Variants in ABCD3 observed in about 807,000 individuals in gnomAD.
ABCD3 encodes ATP binding cassette subfamily D member 3, also known as ATP-binding cassette sub-family D member 3.
A neutral mutation model predicts 105.5 loss-of-function variants in ABCD3; 41 were observed. That is an observed-to-expected ratio of 0.39 (90% CI 0.30 to 0.50). The LOEUF (loss-of-function observed/expected upper bound fraction) is 0.50. Ranked by LOEUF, ABCD3 falls within the 20% of genes least tolerant of loss-of-function variation. ABCD3 has a pLI of 0.84. For missense variants in ABCD3, 622 were observed against 806.3 expected, an observed-to-expected ratio of 0.77 and a Z score of 2.77; for synonymous variants, 258 against 269.0, an observed-to-expected ratio of 0.96 and a Z score of 0.40.
chr1:94,412,856 A>T, the ABCD3 span, among the ~76,000 whole-genome samples: 4 of 152,202 alleles, frequency 2.6e-5, no homozygotes, highest in Non-Finnish European at 4.4e-5. Context: ...ATCCTTTCAT[A>T]TGTTTAAGAG....
chr1:94,447,486 C>T (rs1660399274), intron 1 of ABCD3, among the ~76,000 whole-genome samples: 1 of 152,216 alleles, frequency 6.6e-6, no homozygotes. Flanking sequence ...ATTTACAATT[C>T]CTGCAGTAAA....
At chr1:94,463,046 T>A (rs1570776633) in intron 2 of ABCD3, among the ~76,000 whole-genome samples, 1 of 150,330 alleles carries the variant, frequency 6.7e-6, no homozygotes, top group Middle Eastern at 3.4e-3. Context: ...TTGTCTGTTT[T>A]GTTTGCTGTT....
the ABCD3 span, among the ~76,000 whole-genome samples, chr1:94,404,504 AGT>A: frequency 2.0e-5 from 3 of 151,982 alleles, no homozygotes; most frequent in Non-Finnish European, 4.4e-5. Context: ...GTTTGCTTTC[AGT>A]TTTTCATTTT....
At chr1:94,447,936 A>G (rs1232827976) in intron 1 of ABCD3, among the ~76,000 whole-genome samples, 1 of 152,214 alleles carries the variant, frequency 6.6e-6, no homozygotes, top group Non-Finnish European at 1.5e-5. Flanking sequence ...TCTATTTTCT[A>G]TCCTTAGAGG....
At chr1:94,399,072 T>A in the ABCD3 span, among the ~76,000 whole-genome samples, 116 of 152,032 alleles carry the variant, frequency 7.6e-4, 1 homozygote, top group South Asian at 1.5e-3. Flanking sequence ...TAGCATGCAG[T>A]TCAGTGGGTT....
intron 1 of ABCD3, among the ~76,000 whole-genome samples, chr1:94,434,140 A>G (rs558249858): frequency 6.6e-6 from 1 of 152,304 alleles, no homozygotes; most frequent in East Asian, 1.9e-4. Flanking sequence ...TGTAGACTTT[A>G]TAAACACTGT....
At chr1:94,466,098 T>A (rs1264676723) in intron 3 of ABCD3, among the ~76,000 whole-genome samples, 1 of 152,194 alleles carries the variant, frequency 6.6e-6, no homozygotes, top group Non-Finnish European at 1.5e-5. Context: ...TTTTTCCTAA[T>A]TAGACAGAGG....
chr1:94,478,336 A>G (rs371833688), intron 8 of ABCD3, 21 bp downstream of exon 8: 180 of 1,560,188 alleles, frequency 1.2e-4, no homozygotes, highest in Middle Eastern at 3.7e-4. Flanking sequence ...TTTTATTTCA[A>G]CTTTTAAATT....
At chr1:94,462,245 T>G (rs1220775710) in intron 2 of ABCD3, among the ~76,000 whole-genome samples, 2 of 152,190 alleles carry the variant, frequency 1.3e-5, no homozygotes, top group Non-Finnish European at 2.9e-5. Flanking sequence ...AAGTGGTCTT[T>G]TTTTGTATTT....
chr1:94,483,250 A>T lies in ABCD3; in HGVS notation c.897+11A>T, dbSNP rs769357551. ...GTCTTCCGAAAACTGGTAAGATAAC[A>T]CACTTGAGGTTCATGTGTTTATGGA... is the stretch of plus-strand genomic sequence containing the variant. On this transcript the variant is annotated intron_variant, in intron 10 of 22. Coordinates refer to ENST00000370214, the MANE Select transcript of ABCD3 (RefSeq NM_002858.4). The T allele has an allele frequency of 6.2e-7, 1 of 1,607,048 alleles. No individual in the cohort carries two copies. The highest frequency in any genetic ancestry group is 8.5e-7 in the Non-Finnish European group (1 of 1,173,774).
upstream of ABCD3, among the ~76,000 whole-genome samples, chr1:94,418,027 G>C (rs1361031908): frequency 1.3e-5 from 2 of 152,200 alleles, no homozygotes; most frequent in African/African-American, 4.8e-5. Context: ...GGTGGTAACG[G>C]TACATCACCG....
intron 1 of ABCD3, among the ~76,000 whole-genome samples, chr1:94,454,555 T>C (rs1647447504): frequency 6.6e-6 from 1 of 152,060 alleles, no homozygotes; most frequent in Admixed American, 6.5e-5. Context: ...ATAGTTGATT[T>C]TGTGGTTTGA....
At chr1:94,501,805 G>A (rs899350120) in intron 20 of ABCD3, among the ~76,000 whole-genome samples, 2 of 151,746 alleles carry the variant, frequency 1.3e-5, no homozygotes, top group African/African-American at 4.8e-5. Flanking sequence ...TATAAATTGG[G>A]CCAAACCCCT....
chr1:94,480,605 A>G lies in ABCD3; in HGVS notation c.826A>G (p.Ser276Gly). Residue 276 changes from serine to glycine, a missense_variant and splice_region_variant, in exon 9 of 23, where the codon AGT (serine) becomes GGT (glycine). By Grantham distance (56) the Ser-to-Gly change is moderately conservative. Coordinates refer to ENST00000370214, the MANE Select transcript of ABCD3 (RefSeq NM_002858.4). ...TGTTAATTCTCGGCTCATCACAAAC[A>G]GGTAAAGACAAATGCATTAAAGCCT... ...RYVNSRLITN[S>G]EEIAFYNGNK... The G allele has an allele frequency of 6.2e-7, 1 of 1,613,712 alleles. No individual in the cohort carries two copies. The highest frequency in any genetic ancestry group is 8.5e-7 in the Non-Finnish European group (1 of 1,179,698).
rs1419333708 is a variant in ABCD3 at position 94,499,046 on chromosome 1, T to C, written c.1620+12T>C. The C allele has an allele frequency of 6.3e-7, 1 of 1,593,582 alleles. No individual in the cohort carries two copies. Among genetic ancestry groups the C allele is most frequent in the Admixed American group, 1.7e-5 (1 of 59,974 alleles). ...GAATTTCTGACCTAGTAAGGGAATG[T>C]TTATATCCTAGATCCACTGAAAATA... On this transcript the variant is annotated intron_variant, in intron 19 of 22. Coordinates refer to ENST00000370214, the MANE Select transcript of ABCD3 (RefSeq NM_002858.4).
chr1:94,500,342 G>A (rs1650033619), intron 20 of ABCD3, among the ~76,000 whole-genome samples: 1 of 152,196 alleles, frequency 6.6e-6, no homozygotes, highest in South Asian at 2.1e-4. Context: ...GCTACTGGGA[G>A]GCGGAAAGAT....
At chr1:94,416,824 C>T (rs980949567), upstream of ABCD3, among the ~76,000 whole-genome samples, 1 of 152,200 alleles carries the variant, frequency 6.6e-6, no homozygotes, top group East Asian at 1.9e-4. Context: ...CCATTCCATT[C>T]CTGCCCTATA....
chr1:94,409,957 C>T, the ABCD3 span, among the ~76,000 whole-genome samples: 1 of 152,174 alleles, frequency 6.6e-6, no homozygotes, highest in East Asian at 1.9e-4. Flanking sequence ...TCAAACTAAG[C>T]TTTATCAAGC....
At chr1:94,394,423 ATTTT>A in the ABCD3 span, among the ~76,000 whole-genome samples, 2 of 152,178 alleles carry the variant, frequency 1.3e-5, no homozygotes, top group East Asian at 3.9e-4. Context: ...GAGAAAAAGC[ATTTT>A]CCATGTCAGT....
Sources: gnomAD v4.1 joint callset for allele counts (sites outside exome capture counted in the v4.1 genomes callset) on GRCh38, gnomAD v4.1.1 for gene constraint, MANE v1.5 for transcripts, NCBI Gene and HGNC (gene_info 2026-07-23, HGNC 2026-07-21) for gene names.